The following TMCO5A variants were observed in gnomAD, a reference collection of about 807,000 sequenced individuals.
TMCO5A encodes the protein transmembrane and coiled-coil domain-containing protein 5A.
In TMCO5A, 34 loss-of-function variants were observed where a neutral mutation model predicts 42.3. The observed-to-expected ratio is 0.80, with a 90% CI of 0.61 to 1.07. The LOEUF is 1.07. TMCO5A is among the 50% of genes least tolerant of loss of function. TMCO5A has a pLI of 0.00. For synonymous variants in TMCO5A, 131 were observed against 115.6 expected (o/e 1.13, Z -0.86); for missense variants, 357 against 327.9 (o/e 1.09, Z -0.69).
At chr15:38,008,026 G>T in the TMCO5A span, among the ~76,000 whole-genome samples, 1 of 151,636 alleles carries the variant, frequency 6.6e-6, no homozygotes, top group Non-Finnish European at 1.5e-5. Context: ...CTCCCGGGTT[G>T]CTGGGACTAC....
the TMCO5A span, among the ~76,000 whole-genome samples, chr15:37,992,891 T>C: frequency 2.0e-5 from 3 of 152,146 alleles, no homozygotes; most frequent in African/African-American, 7.2e-5. Context: ...AACAAATAAC[T>C]ATTTTGTACT....
At chr15:37,995,469 T>A in the TMCO5A span, among the ~76,000 whole-genome samples, 14 of 152,258 alleles carry the variant, frequency 9.2e-5, no homozygotes, top group African/African-American at 3.4e-4. Flanking sequence ...TTCCCTCTGA[T>A]GTAGCTTGCA....
chr15:37,955,048 C>A (rs1260685210), downstream of TMCO5A, among the ~76,000 whole-genome samples: 7 of 151,542 alleles, frequency 4.6e-5, no homozygotes, highest in Admixed American at 4.0e-4. Flanking sequence ...GAGAAGACCA[C>A]AAAACAACAA....
the TMCO5A span, chr15:38,040,376 C>G: frequency 6.6e-6 from 1 of 152,210 alleles, no homozygotes; most frequent in Non-Finnish European, 1.5e-5. Flanking sequence ...GAGGCATTCT[C>G]TAGGAATCAC....
chr15:38,010,000 A>T, the TMCO5A span, among the ~76,000 whole-genome samples: 1 of 152,126 alleles, frequency 6.6e-6, no homozygotes, highest in Non-Finnish European at 1.5e-5. Context: ...AGATGTGATG[A>T]AGGTAAGGAT....
the TMCO5A span, among the ~76,000 whole-genome samples, chr15:38,026,582 A>T: frequency 6.6e-6 from 1 of 152,260 alleles, no homozygotes; most frequent in Non-Finnish European, 1.5e-5. Context: ...ATTTCTGAGG[A>T]GAAATTCAAG....
At chr15:37,996,946 T>C in the TMCO5A span, among the ~76,000 whole-genome samples, 1 of 152,184 alleles carries the variant, frequency 6.6e-6, no homozygotes, top group Admixed American at 6.5e-5. Flanking sequence ...TTTCTATAAC[T>C]TCTATCTTAA....
chr15:37,975,004 A>C, the TMCO5A span, among the ~76,000 whole-genome samples: 19 of 152,164 alleles, frequency 1.2e-4, no homozygotes, highest in African/African-American at 4.3e-4. Flanking sequence ...TTTACACAAA[A>C]GTTACTTAGG....
chr15:38,008,681 C>T, the TMCO5A span, among the ~76,000 whole-genome samples: 2 of 152,144 alleles, frequency 1.3e-5, no homozygotes, highest in Non-Finnish European at 2.9e-5. Flanking sequence ...GGCACGAGGT[C>T]AACTCCAACA....
rs111775218 is a variant in TMCO5A at position 37,938,243 on chromosome 15, AC to A, written c.387+15del. The A allele has an allele frequency of 4.8e-3, 7,090 of 1,462,428 alleles. 301 individuals carry two copies. The African/African-American group carries it at 0.09, about 19-fold the overall frequency. The allele number at this position is 1,462,428 out of a possible 1,614,324, so 90.6% of individuals were successfully genotyped here. Reference sequence around the variant, plus strand: ...GAAGAGACAAAGGTAAATGAAAAAAACAATCCTAAATGTGGTTGGGCTATGT... The same window carrying A: ...GAAGAGACAAAGGTAAATGAAAAAAAAATCCTAAATGTGGTTGGGCTATGT... On this transcript the variant is annotated intron_variant, in intron 6 of 11. Coordinates refer to ENST00000319669, the MANE Select transcript of TMCO5A (RefSeq NM_152453.4).
chr15:38,008,035 A>C, the TMCO5A span, among the ~76,000 whole-genome samples: 1 of 151,586 alleles, frequency 6.6e-6, no homozygotes, highest in Admixed American at 6.6e-5. Context: ...TGCTGGGACT[A>C]CAGGCGCCTG....
At chr15:38,039,949 C>T in the TMCO5A span, 1 of 152,228 alleles carries the variant, frequency 6.6e-6, no homozygotes, top group Non-Finnish European at 1.5e-5. Flanking sequence ...GGGAAAAATC[C>T]ACTTCCAAGT....
At chr15:38,028,730 A>G in the TMCO5A span, among the ~76,000 whole-genome samples, 1 of 152,166 alleles carries the variant, frequency 6.6e-6, no homozygotes, top group Non-Finnish European at 1.5e-5. Context: ...TCAAGGGCAG[A>G]TAGTGTCTGA....
At chr15:37,942,382 C>A in intron 9 of TMCO5A, 127 bp downstream of exon 9, 1 of 831,350 alleles carries the variant, frequency 1.2e-6, no homozygotes, top group Non-Finnish European at 1.9e-6. Context: ...TATCTTTGCC[C>A]TCTGTTAGTG....
chr15:37,949,010 G>T (rs1042889947), intron 11 of TMCO5A, among the ~76,000 whole-genome samples: 2 of 151,980 alleles, frequency 1.3e-5, no homozygotes, highest in South Asian at 2.1e-4. Flanking sequence ...GACCTTTAAG[G>T]GTGAATAGTG....
chr15:38,011,735 T>A, the TMCO5A span, among the ~76,000 whole-genome samples: 5 of 152,172 alleles, frequency 3.3e-5, no homozygotes, highest in Middle Eastern at 3.2e-3. Flanking sequence ...AAATCTACCA[T>A]GTCTATGTAG....
Position 37,943,338 on chromosome 15 carries a change from T to C in TMCO5A, c.570-3T>C, listed in dbSNP as rs768426821. 6.2e-7 allele frequency: 1 copy of C among 1,612,136 alleles called. No individual in the cohort carries two copies. Among genetic ancestry groups the C allele is most frequent in the South Asian group, 1.1e-5 (1 of 90,984 alleles). The stretch of plus-strand genomic sequence containing the variant: ...ATTTCTGTCCTGGCTGTTATCTTCA[T>C]AGATCAAAACTCGTGAGCATGAACC... On this transcript the variant is annotated splice_region_variant and splice_polypyrimidine_tract_variant and intron_variant, in intron 9 of 11. Coordinates refer to ENST00000319669, the MANE Select transcript of TMCO5A (RefSeq NM_152453.4).
downstream of TMCO5A, among the ~76,000 whole-genome samples, chr15:37,952,125 G>A (rs113482242): frequency 6.6e-6 from 1 of 152,246 alleles, no homozygotes; most frequent in African/African-American, 2.4e-5. Context: ...TGCAAGCCTT[G>A]CCGCTGCCAA....
chr15:38,029,092 G>T, the TMCO5A span, among the ~76,000 whole-genome samples: 1 of 152,150 alleles, frequency 6.6e-6, no homozygotes, highest in African/African-American at 2.4e-5. Flanking sequence ...GGAAAGAGAA[G>T]CAGATGAATC....
Sources: allele counts gnomAD v4.1 joint callset (sites outside exome capture counted in the v4.1 genomes callset), GRCh38; gene constraint gnomAD v4.1.1; transcripts MANE v1.5; gene names NCBI Gene and HGNC (gene_info 2026-07-23, HGNC 2026-07-21).